Variants in AGAP1 observed in about 807,000 individuals in gnomAD.
AGAP1 encodes the protein ArfGAP with GTPase domain, ankyrin repeat and PH domain 1, also known as arf-GAP with GTPase, ANK repeat and PH domain-containing protein 1.
In AGAP1, 29 loss-of-function variants were observed where a neutral mutation model predicts 105.3. The observed-to-expected ratio is 0.28, with a 90% confidence interval of 0.21 to 0.38. The LOEUF (loss-of-function observed/expected upper bound fraction) is 0.38. Ranked by LOEUF, AGAP1 falls within the 10% of genes least tolerant of loss-of-function variation. The pLI is 1.00. For missense variants in AGAP1, 998 were observed against 1,165.1 expected (o/e 0.86, Z 2.09); for synonymous variants, 509 against 485.9 (o/e 1.05, Z -0.63).
In AGAP1 at chr2:235,891,870, C is replaced by G. The variant is rs1049587963; in HGVS notation, c.1155+8421C>G. ...GGTCAGACTTTTAAAAAACCTCCTT[C>G]TGGCCAGGTGTGGTGGCTCACACCT... On this transcript the variant is annotated intron_variant, in intron 10 of 17. Transcript: ENST00000304032. This position sits in a 1 kb window ranked among gnomAD's most constrained non-coding sequence, Gnocchi z 4.2. Among the ~76,000 whole-genome samples the G allele has an allele frequency of 3.3e-5, 5 of 152,180 alleles. No homozygotes were observed.
At position 235,741,078 on chromosome 2, in the gene AGAP1, T is replaced by A. The variant is rs756828738; in HGVS notation, c.396+30T>A. ...GTATACATGCATGCCCCAAGCCTGC[T>A]TTTTTTCCCTTTGTTTTCTAAGGTT... On this transcript the variant is annotated intron_variant, in intron 4 of 17. Coordinates refer to ENST00000304032, the MANE Select transcript of AGAP1 (RefSeq NM_001037131.3). This position sits in a 1 kb window ranked among gnomAD's most constrained non-coding sequence, Gnocchi z 4.9. The A allele has an allele frequency of 6.6e-7, 1 of 1,505,048 alleles. No homozygotes were observed. Among genetic ancestry groups the A allele is most frequent in the Non-Finnish European group, 9.0e-7 (1 of 1,111,888 alleles). 93.2% of individuals were successfully genotyped at this position (1,505,048 alleles called of 1,614,324 possible). A position where few individuals can be genotyped will look rare whatever the true frequency, so the allele number is the denominator to read the frequency against.
intron 6 of AGAP1, among the ~76,000 whole-genome samples, chr2:235,762,033 C>G (rs186516554): frequency 1.3e-4 from 19 of 150,256 alleles, no homozygotes; most frequent in African/African-American, 4.4e-4. Flanking sequence ...CGATTGAACC[C>G]AGGAGCCGGA....
In AGAP1 at chr2:235,908,985, C is replaced by G. The variant is rs4663215; in HGVS notation, c.1324+79C>G. The G allele has an allele frequency of 7.3e-7, 1 of 1,376,878 alleles. No homozygotes were observed. The highest frequency in any genetic ancestry group is 2.1e-4 in the Middle Eastern group (1 of 4,770). 85.3% of individuals were successfully genotyped at this position (1,376,878 alleles called of 1,614,324 possible). ...CAGGCTCGAGGATAATGTTGGACTC[C>G]TAGGTTAAGTGGAGACAGTAACTAT... On this transcript the variant is annotated intron_variant, in intron 11 of 17. Coordinates refer to ENST00000304032, the MANE Select transcript of AGAP1 (RefSeq NM_001037131.3). The surrounding 1 kb of genome is among the most constrained non-coding windows in gnomAD (Gnocchi z 4.4).
rs1034021191 is a variant in AGAP1 at position 236,078,408 on chromosome 2, A to G, written c.2114+29127A>G. ...ACATCTACAAAAGGCCTTCACAGCAATGCATAGGTTGTGTGTGATGAAATC... is the reference window on the plus strand; with the variant it reads ...ACATCTACAAAAGGCCTTCACAGCAGTGCATAGGTTGTGTGTGATGAAATC... On this transcript the variant is annotated intron_variant, in intron 16 of 17. Coordinates refer to ENST00000304032, the MANE Select transcript of AGAP1 (RefSeq NM_001037131.3). This position sits in a 1 kb window ranked among gnomAD's most constrained non-coding sequence, Gnocchi z 5.3. 6.6e-6 allele frequency among the ~76,000 whole-genome samples: 1 copy of G among 152,106 alleles called. No homozygotes were observed. Among genetic ancestry groups the G allele is most frequent in the Non-Finnish European group, 1.5e-5 (1 of 68,012 alleles).
intron 16 of AGAP1, among the ~76,000 whole-genome samples, chr2:236,067,853 T>G (rs937042233): frequency 6.6e-6 from 1 of 152,130 alleles, no homozygotes; most frequent in Admixed American, 6.5e-5. Context: ...CCTGGATGTT[T>G]TGCATCATGT....
At chr2:235,568,714 G>A (rs989768899) in intron 1 of AGAP1, among the ~76,000 whole-genome samples, 1 of 152,230 alleles carries the variant, frequency 6.6e-6, no homozygotes, top group Non-Finnish European at 1.5e-5. Context: ...GAGGTCAGAA[G>A]TCCTTAAATG....
intron 1 of AGAP1, among the ~76,000 whole-genome samples, chr2:235,570,388 A>G (rs905323464): frequency 1.3e-5 from 2 of 152,266 alleles, no homozygotes; most frequent in African/African-American, 4.8e-5. Context: ...TGCTGGCCAA[A>G]AGGAATGTTA....
At chr2:235,587,895 C>T (rs1472800702) in intron 1 of AGAP1, among the ~76,000 whole-genome samples, 1 of 152,072 alleles carries the variant, frequency 6.6e-6, no homozygotes, top group Non-Finnish European at 1.5e-5. Context: ...GTCCCTGCAG[C>T]TTCCCATGAA....
At chr2:235,768,115 T>C (rs997306433) in intron 6 of AGAP1, among the ~76,000 whole-genome samples, 2 of 152,196 alleles carry the variant, frequency 1.3e-5, no homozygotes, top group Non-Finnish European at 2.9e-5. Context: ...AAGGTTTTTT[T>C]CTTTTCCCTC....
At chr2:236,110,454 TTG>T in intron 16 of AGAP1, among the ~76,000 whole-genome samples, 1 of 151,942 alleles carries the variant, frequency 6.6e-6, no homozygotes, top group African/African-American at 2.4e-5. Context: ...TTCCACCTAC[TTG>T]GGAGGCTGAG....
chr2:235,518,509 T>C (rs907265835), intron 1 of AGAP1, among the ~76,000 whole-genome samples: 5 of 152,230 alleles, frequency 3.3e-5, no homozygotes, highest in South Asian at 2.1e-4. Context: ...GGATTTCCTC[T>C]GTTTCTGACA....
In AGAP1 at chr2:235,747,561, G is replaced by T. The variant is rs924307055; in HGVS notation, c.538+2722G>T. ...ACCCCCAGATGAACCAGAACGAAAA[G>T]TTGCAATCAGGGCTGTATTCCTCAC... On this transcript the variant is annotated intron_variant, in intron 5 of 17. Coordinates refer to ENST00000304032, the MANE Select transcript of AGAP1 (RefSeq NM_001037131.3). The surrounding 1 kb of genome is among the most constrained non-coding windows in gnomAD (Gnocchi z 5.0). Among the ~76,000 whole-genome samples, 14 of 152,160 alleles carry T rather than the reference G, an allele frequency of 9.2e-5. No individual in the cohort carries two copies. The highest frequency in any genetic ancestry group is 1.5e-4 in the Non-Finnish European group (10 of 68,038).
chr2:236,070,712 A>G (rs1050800696), intron 16 of AGAP1, among the ~76,000 whole-genome samples: 2 of 152,206 alleles, frequency 1.3e-5, no homozygotes, highest in Non-Finnish European at 2.9e-5. Flanking sequence ...ATTACATGAA[A>G]TGGCCAGAAT....
rs1318188897 is a variant in AGAP1, at chr2:235,736,944, G to T, written c.311-4019G>T. Among the ~76,000 whole-genome samples, 1 of 152,228 alleles carries T rather than the reference G, an allele frequency of 6.6e-6. No individual in the cohort carries two copies. The highest frequency in any genetic ancestry group is 1.5e-5 in the Non-Finnish European group (1 of 68,036). ...AATTTAAAATGGTGCAAGTGGTGGT[G>T]CCTGCAGAGTACCAGCTTGTTGCCA... On this transcript the variant is annotated intron_variant, in intron 3 of 17. Coordinates refer to ENST00000304032, the MANE Select transcript of AGAP1 (RefSeq NM_001037131.3). The surrounding 1 kb of genome is among the most constrained non-coding windows in gnomAD (Gnocchi z 5.5).
chr2:236,028,401 C>T (rs2057121220), intron 13 of AGAP1, among the ~76,000 whole-genome samples: 1 of 152,090 alleles, frequency 6.6e-6, no homozygotes, highest in African/African-American at 2.4e-5. Context: ...CCAAGTGGTC[C>T]TTTATGTTCT....
chr2:235,989,144 C>T lies in AGAP1; in HGVS notation c.1645+20521C>T, dbSNP rs758804219. On this transcript the variant is annotated intron_variant, in intron 13 of 17. Coordinates refer to ENST00000304032, the MANE Select transcript of AGAP1 (RefSeq NM_001037131.3). The surrounding 1 kb of genome is among the most constrained non-coding windows in gnomAD (Gnocchi z 4.4). ...TGATGGTTGTTGTTATTTAAAACTG[C>T]AAGACGTAGGCAATACCAGGTCTTA... Among the ~76,000 whole-genome samples, 1 of 152,188 alleles carries T rather than the reference C, an allele frequency of 6.6e-6. No individual in the cohort carries two copies. The highest frequency in any genetic ancestry group is 1.5e-5 in the Non-Finnish European group (1 of 68,044).
rs1038773752 is a variant in AGAP1 at position 235,577,549 on chromosome 2, T to G, written c.163+82700T>G. Reference sequence around the variant, plus strand: ...AGCTCCTGTGTCCCTGGTCGCTTGCTGGAGTCGGTGGGAGCTGAGAGTCCC... The same window carrying G: ...AGCTCCTGTGTCCCTGGTCGCTTGCGGGAGTCGGTGGGAGCTGAGAGTCCC... On this transcript the variant is annotated intron_variant, in intron 1 of 17. Transcript: ENST00000304032. This position sits in a 1 kb window ranked among gnomAD's most constrained non-coding sequence, Gnocchi z 4.5. Among the ~76,000 whole-genome samples the G allele has an allele frequency of 1.3e-5, 2 of 152,256 alleles. No homozygotes were observed. Among genetic ancestry groups the G allele is most frequent in the South Asian group, 2.1e-4 (1 of 4,824 alleles).
Position 236,078,077 on chromosome 2 carries a change from T to C in AGAP1, c.2114+28796T>C, listed in dbSNP as rs2058689340. Among the ~76,000 whole-genome samples, 1 of 97,286 alleles carries C rather than the reference T, an allele frequency of 1.0e-5. No individual in the cohort carries two copies. Among genetic ancestry groups the C allele is most frequent in the Non-Finnish European group, 2.2e-5 (1 of 46,114 alleles). 63.8% of individuals were successfully genotyped at this position (97,286 alleles called of 152,430 possible). ...TGTGTGTGTGTGTGTGTGTGTGTAA[T>C]CTGAAGTGTGTAGGGCAGGCCAGCT... is the stretch of plus-strand genomic sequence containing the variant. On this transcript the variant is annotated intron_variant, in intron 16 of 17. Coordinates refer to ENST00000304032, the MANE Select transcript of AGAP1 (RefSeq NM_001037131.3). This position sits in a 1 kb window ranked among gnomAD's most constrained non-coding sequence, Gnocchi z 5.3.
chr2:235,917,564 G>A (rs1036229984), intron 11 of AGAP1, among the ~76,000 whole-genome samples: 7 of 152,016 alleles, frequency 4.6e-5, no homozygotes, highest in African/African-American at 7.2e-5. Context: ...GCTCTCCGCC[G>A]TGACAGGGAC....
Sources: gnomAD v4.1 joint callset for allele counts (sites outside exome capture counted in the v4.1 genomes callset) on GRCh38, gnomAD v4.1.1 for gene constraint, Gnocchi (gnomAD v3.1) non-coding constraint, MANE v1.5 for transcripts, NCBI Gene and HGNC (gene_info 2026-07-23, HGNC 2026-07-21) for gene names.